The following BMPER variants were observed in gnomAD, a reference collection of about 807,000 sequenced individuals.
BMPER encodes the protein BMP binding endothelial regulator.
Under a neutral mutation model 87.3 loss-of-function variants are expected in BMPER, and 45 were observed. The ratio of observed to expected loss-of-function variants is 0.52; its 90% CI spans 0.41 to 0.66. The LOEUF is 0.66. Among genes scored for constraint, BMPER ranks in the 30% least tolerant of loss-of-function variants. The pLI, the probability that BMPER is intolerant of heterozygous loss-of-function variation, is 0.00. For missense variants in BMPER, 784 were observed against 867.5 expected, an observed-to-expected ratio of 0.90 and a Z score of 1.21; for synonymous variants, 326 against 316.2, an observed-to-expected ratio of 1.03 and a Z score of -0.33.
At chr7:34,004,256 T>G (rs1000814120) in intron 6 of BMPER, among the ~76,000 whole-genome samples, 1 of 152,138 alleles carries the variant, frequency 6.6e-6, no homozygotes, top group South Asian at 2.1e-4. Flanking sequence ...TTTTTGATGC[T>G]TTTTTATTGG....
At chr7:34,024,376 AAAAAAACAATATAT>A (rs1787287024) in intron 6 of BMPER, among the ~76,000 whole-genome samples, 8 of 97,280 alleles carry the variant, frequency 8.2e-5, no homozygotes, top group African/African-American at 2.6e-4. Context: ...AAAAAAAAAA[AAAAAAACAATATAT>A]ATATATATAT....
At chr7:33,910,667 G>C (rs931427191) in intron 2 of BMPER, among the ~76,000 whole-genome samples, 8 of 152,176 alleles carry the variant, frequency 5.3e-5, no homozygotes, top group African/African-American at 1.9e-4. Context: ...TGTAGAAATG[G>C]ACCCTTTGCT....
intron 3 of BMPER, among the ~76,000 whole-genome samples, chr7:33,957,615 A>G (rs1386536127): frequency 6.6e-6 from 1 of 152,154 alleles, no homozygotes; most frequent in African/African-American, 2.4e-5. Context: ...TAAAACTGGT[A>G]AAATCTGAAT....
rs1311644618 is a variant in BMPER at position 33,942,045 on chromosome 7, A to G, written c.319+4657A>G. 2.6e-5 allele frequency among the ~76,000 whole-genome samples: 4 copies of G among 152,102 alleles called. No individual in the cohort carries two copies. In the South Asian group the frequency reaches 6.2e-4, roughly 24 times the overall value. The stretch of plus-strand genomic sequence containing the variant: ...GTGCCAGGCAGAATGGGTGCAGGGC[A>G]TGGCTCTATCAGCAAGCATATGGGA... On this transcript the variant is annotated intron_variant, in intron 3 of 14. Transcript: ENST00000649409.
intron 6 of BMPER, among the ~76,000 whole-genome samples, chr7:34,030,778 A>G (rs1003246309): frequency 2.0e-5 from 3 of 151,784 alleles, no homozygotes; most frequent in East Asian, 1.9e-4. Context: ...CTAATTTTTT[A>G]TTTGTTGTAG....
intron 2 of BMPER, among the ~76,000 whole-genome samples, chr7:33,934,424 G>A (rs886356669): frequency 4.0e-5 from 6 of 149,208 alleles, no homozygotes; most frequent in Non-Finnish European, 7.4e-5. Context: ...CAATGTGACC[G>A]TTGATAGAAT....
intron 3 of BMPER, among the ~76,000 whole-genome samples, chr7:33,945,999 T>A (rs899332308): frequency 6.6e-6 from 1 of 152,062 alleles, no homozygotes; most frequent in African/African-American, 2.4e-5. Context: ...GGAAGGTGTT[T>A]TAGTCCTTTC....
chr7:34,069,034 C>T (rs905343284), intron 11 of BMPER, among the ~76,000 whole-genome samples: 3 of 152,118 alleles, frequency 2.0e-5, no homozygotes, highest in Admixed American at 2.0e-4. Flanking sequence ...TAGTTTCTTG[C>T]TTAATTTCAA....
At chr7:33,989,559 G>T (rs868015956) in intron 6 of BMPER, among the ~76,000 whole-genome samples, 32 of 152,192 alleles carry the variant, frequency 2.1e-4, no homozygotes, top group African/African-American at 7.5e-4. Context: ...CTCCCATTTT[G>T]TAGGTTGCCT....
intron 6 of BMPER, among the ~76,000 whole-genome samples, chr7:34,015,667 T>C (rs1299634317): frequency 1.3e-5 from 2 of 151,944 alleles, no homozygotes; most frequent in African/African-American, 4.8e-5. Context: ...ACTTGATCTG[T>C]CAGAGAAATA....
chr7:33,926,523 T>G (rs73317685), intron 2 of BMPER, among the ~76,000 whole-genome samples: 2,743 of 152,366 alleles, frequency 0.018, 67 homozygotes, highest in African/African-American at 0.063. Flanking sequence ...TATAACACCT[T>G]AATCTCAGAA....
intron 6 of BMPER, among the ~76,000 whole-genome samples, chr7:34,035,808 G>A (rs1012668924): frequency 5.3e-5 from 8 of 152,118 alleles, no homozygotes; most frequent in Admixed American, 1.3e-4. Context: ...TGGGACAAAC[G>A]ATAAACCCAT....
chr7:33,912,791 GGGTGTATATTT>G (rs1268074506), intron 2 of BMPER, among the ~76,000 whole-genome samples: 5 of 152,168 alleles, frequency 3.3e-5, no homozygotes, highest in Admixed American at 2.6e-4. Flanking sequence ...CAAATGAGCT[GGGTGTATATTT>G]TAAGACCTGT....
At chr7:34,098,876 G>C (rs1466927092) in intron 13 of BMPER, among the ~76,000 whole-genome samples, 1 of 152,152 alleles carries the variant, frequency 6.6e-6, no homozygotes, top group Non-Finnish European at 1.5e-5. Flanking sequence ...GCTGAGTTTG[G>C]TATTTACTTC....
At chr7:34,137,067 T>C (rs1351693093) in intron 13 of BMPER, among the ~76,000 whole-genome samples, 3 of 152,260 alleles carry the variant, frequency 2.0e-5, no homozygotes, top group African/African-American at 7.2e-5. Context: ...TTAGCAGTAT[T>C]GGAGGTTTGC....
intron 13 of BMPER, among the ~76,000 whole-genome samples, chr7:34,137,048 GT>G (rs1790738211): frequency 6.6e-6 from 1 of 152,224 alleles, no homozygotes; most frequent in Non-Finnish European, 1.5e-5. Flanking sequence ...TGTGTTTGAT[GT>G]TTTGATTTTA....
At chr7:33,930,684 A>G (rs1322307752) in intron 2 of BMPER, among the ~76,000 whole-genome samples, 6 of 152,182 alleles carry the variant, frequency 3.9e-5, no homozygotes, top group Admixed American at 3.9e-4. Flanking sequence ...GCTCACAGCT[A>G]TAATCCCAGC....
chr7:34,089,716 T>G (rs999349264), intron 13 of BMPER, among the ~76,000 whole-genome samples: 1 of 152,166 alleles, frequency 6.6e-6, no homozygotes, highest in African/African-American at 2.4e-5. Context: ...ATTCCTGACC[T>G]CAGGTGATCT....
rs114647425 is a variant in BMPER, at chr7:33,942,387, A to T, written c.319+4999A>T. ...GGTCAGCCCCATTTTACAGATGGAA[A>T]AATGGTGACACTGAGAGCCTTAGTG... On this transcript the variant is annotated intron_variant, in intron 3 of 14. Coordinates refer to ENST00000649409, the MANE Select transcript of BMPER (RefSeq NM_001365308.1). Among the ~76,000 whole-genome samples, 990 of 152,220 alleles carry T rather than the reference A, an allele frequency of 6.5e-3. 11 individuals are homozygous for T. Among genetic ancestry groups the T allele is most frequent in the African/African-American group, 0.023 (944 of 41,544 alleles).
Sources: allele counts gnomAD v4.1 joint callset (sites outside exome capture counted in the v4.1 genomes callset), GRCh38; gene constraint gnomAD v4.1.1; transcripts MANE v1.5; gene names NCBI Gene and HGNC (gene_info 2026-07-23, HGNC 2026-07-21).